The following RAP1GAP2 variants were observed in gnomAD, a reference collection of about 807,000 sequenced individuals.
RAP1GAP2 encodes RAP1 GTPase activating protein 2.
Under a neutral mutation model 95.0 loss-of-function variants are expected in RAP1GAP2, and 27 were observed. The observed-to-expected ratio is 0.28, with a 90% CI of 0.21 to 0.39. The LOEUF (loss-of-function observed/expected upper bound fraction) is 0.39. Ranked by LOEUF, RAP1GAP2 falls within the 10% of genes least tolerant of loss-of-function variation. The probability of loss-of-function intolerance (pLI) is 1.00; values close to 1 mark genes in which losing one functional copy is unlikely to be tolerated. For synonymous variants in RAP1GAP2, 373 were observed against 380.9 expected (o/e 0.98, Z 0.24); for missense variants, 771 against 970.0 (o/e 0.79, Z 2.72).
chr17:2,950,145 C>T (rs2043866532), intron 3 of RAP1GAP2, among the ~76,000 whole-genome samples: 1 of 151,912 alleles, frequency 6.6e-6, no homozygotes, highest in South Asian at 2.1e-4. Flanking sequence ...CCTCCACCTC[C>T]CAGGTTCAAG....
intron 3 of RAP1GAP2, among the ~76,000 whole-genome samples, chr17:2,937,903 C>T (rs565258105): frequency 1.3e-5 from 2 of 152,288 alleles, no homozygotes; most frequent in South Asian, 2.1e-4. Context: ...GCTGTGTCTT[C>T]CCCCAGCCCC....
In RAP1GAP2 at chr17:2,998,351, C is replaced by T; in HGVS notation, c.1175C>T (p.Pro392Leu). 2.5e-6 allele frequency: 4 copies of T among 1,613,996 alleles called. No individual in the cohort carries two copies. The highest frequency in any genetic ancestry group is 1.3e-5 in the African/African-American group (1 of 75,028). The change falls in exon 14 of 25, where the codon CCA becomes CTA. Residue 392 changes from proline (P) to leucine (L), a missense_variant. Physicochemically the swap from Pro to Leu is moderately conservative, Grantham distance 98. Transcript: ENST00000254695. ...TACATCGTCGTGCAGGTCGAGACCC[C>T]AGGCACAGAGACCCCATCCTACAAG... The part of the protein sequence containing the change: ...HAYIVVQVET[P>L]GTETPSYKVS...
chr17:2,935,914 G>C (rs1190289323), intron 3 of RAP1GAP2, among the ~76,000 whole-genome samples: 2 of 152,132 alleles, frequency 1.3e-5, no homozygotes, highest in East Asian at 1.9e-4. Context: ...TGGCGGGTTT[G>C]CTCCAGCCGG....
In RAP1GAP2 at chr17:3,008,069, A is replaced by T; in HGVS notation, c.1418A>T (p.Gln473Leu). 1 of 1,613,992 alleles carries T rather than the reference A, an allele frequency of 6.2e-7. No individual in the cohort carries two copies. The highest frequency in any genetic ancestry group is 8.5e-7 in the Non-Finnish European group (1 of 1,179,876). The change falls in exon 17 of 25, where the codon CAG (glutamine) becomes CTG (leucine). Residue 473 changes from glutamine to leucine, a missense_variant. Physicochemically the swap from Gln to Leu is moderately radical, Grantham distance 113 (BLOSUM62 -2). Transcript: ENST00000254695. This position sits in a 1 kb window ranked among gnomAD's most constrained non-coding sequence, Gnocchi z 4.2. ...NLHDELHAHT[Q>L]AMLGLGPEED... ...CACGATGAGCTCCACGCCCACACAC[A>T]GGCCATGCTGGGACTGGGCCCAGAG...
At chr17:2,777,150 AC>A (rs1367382587) in exon 1 of RAP1GAP2, 2 of 152,072 alleles carry the variant, frequency 1.3e-5, no homozygotes, top group African/African-American at 4.8e-5. Flanking sequence ...AGGTGGGGTG[AC>A]CGTCCTCAGA....
chr17:2,778,969 G>T (rs12943011), intron 1 of RAP1GAP2, among the ~76,000 whole-genome samples: 1 of 152,032 alleles, frequency 6.6e-6, no homozygotes, highest in Non-Finnish European at 1.5e-5. Context: ...GTGGCTCTGT[G>T]GACATTCGCT....
Position 2,825,983 on chromosome 17 carries a change from GTTT to G in RAP1GAP2, c.80+25446_80+25448del, listed in dbSNP as rs10605718. On this transcript the variant is annotated intron_variant, in intron 2 of 24. Coordinates refer to ENST00000254695, the MANE Select transcript of RAP1GAP2 (RefSeq NM_015085.5). This position sits in a 1 kb window ranked among gnomAD's most constrained non-coding sequence, Gnocchi z 4.1. ...TTTTCTTTTTTCTTTCTTTCTTTCT[GTTT>G]TTTTTTTTTTTTGAGACGGAGTCTT... is the stretch of plus-strand genomic sequence containing the variant. Among the ~76,000 whole-genome samples the G allele has an allele frequency of 0.41, 51,904 of 127,114 alleles. 10,116 individuals carry two copies. The highest frequency in any genetic ancestry group is 0.47 in the Non-Finnish European group (28,766 of 61,798). 83.4% of individuals were successfully genotyped at this position (127,114 alleles called of 152,430 possible).
chr17:2,933,254 G>C (rs2043212362), intron 3 of RAP1GAP2, among the ~76,000 whole-genome samples: 1 of 152,214 alleles, frequency 6.6e-6, no homozygotes, highest in African/African-American at 2.4e-5. Flanking sequence ...GGGGCCAGCT[G>C]TGCCTCTTGA....
intron 2 of RAP1GAP2, among the ~76,000 whole-genome samples, chr17:2,896,925 C>T (rs1299241843): frequency 3.3e-5 from 5 of 152,224 alleles, no homozygotes; most frequent in Non-Finnish European, 5.9e-5. Context: ...CTCCAGCCGG[C>T]TCATCTCCTG....
At chr17:2,917,605 A>G (rs1007107680) in intron 3 of RAP1GAP2, among the ~76,000 whole-genome samples, 7 of 152,048 alleles carry the variant, frequency 4.6e-5, no homozygotes, top group African/African-American at 4.8e-5. Context: ...GGGTTTCACC[A>G]TGTTGGCCAG....
At chr17:2,899,725 G>A (rs960181042) in intron 2 of RAP1GAP2, among the ~76,000 whole-genome samples, 2 of 151,854 alleles carry the variant, frequency 1.3e-5, no homozygotes, top group Admixed American at 1.3e-4. Flanking sequence ...TAGCCAGGTT[G>A]TTCTTGAACT....
intron 4 of RAP1GAP2, among the ~76,000 whole-genome samples, chr17:2,959,126 G>A: frequency 6.6e-6 from 1 of 152,068 alleles, no homozygotes. Flanking sequence ...AAGCTGGCAG[G>A]GGGTTTGCAG....
chr17:2,765,538 G>A (rs1240726889), intron 1 of RAP1GAP2, among the ~76,000 whole-genome samples: 2 of 152,018 alleles, frequency 1.3e-5, no homozygotes, highest in Non-Finnish European at 2.9e-5. Flanking sequence ...TCAGGAGATC[G>A]AGACCATCCT....
intron 2 of RAP1GAP2, among the ~76,000 whole-genome samples, chr17:2,824,835 C>T (rs569743663): frequency 2.6e-5 from 4 of 151,308 alleles, no homozygotes; most frequent in African/African-American, 7.3e-5. Flanking sequence ...GAGGAGGAGG[C>T]GGCGGCTGGA....
In RAP1GAP2 at chr17:2,998,342, T is replaced by TCG; in HGVS notation, c.1167_1168dup (p.Glu390AlafsTer164). On this transcript the variant is annotated frameshift_variant, in exon 14 of 25. Coordinates refer to ENST00000254695, the MANE Select transcript of RAP1GAP2 (RefSeq NM_015085.5). LOFTEE classifies it high-confidence loss of function. ...TTACATGCCTACATCGTCGTGCAGG[T>TCG]CGAGACCCCAGGCACAGAGACCCCA... The TCG allele has an allele frequency of 1.2e-6, 2 of 1,613,956 alleles. No homozygotes were observed. The highest frequency in any genetic ancestry group is 1.7e-6 in the Non-Finnish European group (2 of 1,179,876).
At chr17:2,962,120 C>G (rs1450200559) in intron 4 of RAP1GAP2, 1 of 156,018 alleles carries the variant, frequency 6.4e-6, no homozygotes, top group Non-Finnish European at 1.4e-5. Flanking sequence ...CAGGCTGGTC[C>G]TGAGCTCCTG....
chr17:2,812,739 C>G (rs1446634069), intron 2 of RAP1GAP2, among the ~76,000 whole-genome samples: 1 of 152,082 alleles, frequency 6.6e-6, no homozygotes, highest in Non-Finnish European at 1.5e-5. Flanking sequence ...CCTGTAATCC[C>G]AGCATTTTGG....
intron 2 of RAP1GAP2, among the ~76,000 whole-genome samples, chr17:2,814,051 G>T (rs79794338): frequency 6.6e-6 from 1 of 152,120 alleles, no homozygotes; most frequent in Admixed American, 6.6e-5. Context: ...CCCCGACTCC[G>T]TTGAAAACTA....
intron 1 of RAP1GAP2, chr17:2,770,314 C>T: frequency 5.0e-6 from 2 of 398,634 alleles, no homozygotes; most frequent in Non-Finnish European, 8.8e-6. Flanking sequence ...TCACTCTCTC[C>T]TGTCCTGCCC....
Sources: allele counts gnomAD v4.1 joint callset (sites outside exome capture counted in the v4.1 genomes callset), GRCh38; gene constraint gnomAD v4.1.1; non-coding constraint Gnocchi (gnomAD v3.1); transcripts MANE v1.5; gene names NCBI Gene and HGNC (gene_info 2026-07-23, HGNC 2026-07-21).